The following FAM20B variants were observed in gnomAD, a reference collection of about 807,000 sequenced individuals.
FAM20B encodes the protein glycosaminoglycan xylosylkinase.
FAM20B carries 23 observed loss-of-function variants against 43.8 expected under a neutral mutation model. The observed-to-expected ratio is 0.53, with a 90% confidence interval of 0.38 to 0.74. FAM20B has a LOEUF of 0.74. Among genes scored for constraint, FAM20B ranks in the 30% least tolerant of loss-of-function variants. FAM20B has a pLI of 0.00. For missense variants in FAM20B, 440 were observed against 510.5 expected, an observed-to-expected ratio of 0.86 and a Z score of 1.33; for synonymous variants, 178 against 192.4, an observed-to-expected ratio of 0.93 and a Z score of 0.62.
chr1:179,048,711 A>G (rs1263674690), intron 2 of FAM20B, among the ~76,000 whole-genome samples: 3 of 152,230 alleles, frequency 2.0e-5, no homozygotes, highest in African/African-American at 7.2e-5. Context: ...AATCCTTTGC[A>G]CTAGGAACAA....
chr1:179,040,039 A>G (rs1056286226), intron 1 of FAM20B, among the ~76,000 whole-genome samples: 1 of 152,210 alleles, frequency 6.6e-6, no homozygotes, highest in Non-Finnish European at 1.5e-5. Flanking sequence ...CAGAGAGCAC[A>G]GGGATGGGGG....
chr1:179,026,568 C>T (rs1267158338), intron 1 of FAM20B, among the ~76,000 whole-genome samples: 3 of 152,202 alleles, frequency 2.0e-5, no homozygotes, highest in African/African-American at 4.8e-5. Context: ...GGGGTCTTTG[C>T]TGGGCCCGCC....
intron 1 of FAM20B, among the ~76,000 whole-genome samples, chr1:179,028,426 A>G (rs1329904407): frequency 1.3e-5 from 2 of 152,226 alleles, no homozygotes; most frequent in Non-Finnish European, 2.9e-5. Flanking sequence ...TACTAAAAAT[A>G]CAAAAATTAG....
At chr1:179,017,347 T>C in the FAM20B span, among the ~76,000 whole-genome samples, 1 of 152,214 alleles carries the variant, frequency 6.6e-6, no homozygotes, top group Admixed American at 6.5e-5. Flanking sequence ...TCCTGTTGGT[T>C]TCAACTCAGA....
intron 2 of FAM20B, among the ~76,000 whole-genome samples, chr1:179,046,378 C>A (rs939029663): frequency 6.6e-6 from 1 of 152,154 alleles, no homozygotes; most frequent in Non-Finnish European, 1.5e-5. Flanking sequence ...TGGCCGGGCA[C>A]GGTGGCTCAC....
At chr1:179,046,967 C>T (rs1345941042) in intron 2 of FAM20B, among the ~76,000 whole-genome samples, 1 of 152,162 alleles carries the variant, frequency 6.6e-6, no homozygotes, top group Non-Finnish European at 1.5e-5. Flanking sequence ...TGCACTCCAG[C>T]CTGGGCAACA....
Position 179,073,841 on chromosome 1 carries a change from AAGT to A in FAM20B, c.*1701_*1703del, listed in dbSNP as rs1417056677. ...TTCTGGCAAAGTGATCTCAACATGT[AAGT>A]AGTTGCAGTAAAACACAGGGGCAAA... is the stretch of plus-strand genomic sequence containing the variant. On this transcript the variant is annotated 3_prime_UTR_variant, in exon 8 of 8. Transcript: ENST00000263733. 1 of 152,222 alleles carries A rather than the reference AAGT, an allele frequency of 6.6e-6. No individual in the cohort carries two copies. Among genetic ancestry groups the A allele is most frequent in the Non-Finnish European group, 1.5e-5 (1 of 68,046 alleles). 9.4% of individuals were successfully genotyped at this position (152,222 alleles called of 1,614,324 possible).
At chr1:179,037,811 C>A (rs1650312620) in intron 1 of FAM20B, among the ~76,000 whole-genome samples, 1 of 152,004 alleles carries the variant, frequency 6.6e-6, no homozygotes, top group African/African-American at 2.4e-5. Flanking sequence ...AAATTTCTAA[C>A]CTAGCTGAGT....
chr1:179,061,580 T>G (rs1249411406), intron 4 of FAM20B, among the ~76,000 whole-genome samples: 1 of 152,060 alleles, frequency 6.6e-6, no homozygotes, highest in Non-Finnish European at 1.5e-5. Context: ...ATGTTTTTAC[T>G]TTTAGTTTTA....
chr1:179,071,244 C>T (rs1282964530), intron 7 of FAM20B, among the ~76,000 whole-genome samples: 1 of 151,238 alleles, frequency 6.6e-6, no homozygotes, highest in Non-Finnish European at 1.5e-5. Context: ...TGCAGTGAGC[C>T]GAGATCACAC....
intron 1 of FAM20B, among the ~76,000 whole-genome samples, chr1:179,039,751 T>A (rs543666657): frequency 4.6e-4 from 70 of 152,034 alleles, no homozygotes; most frequent in South Asian, 1.7e-3. Flanking sequence ...TATTTTTTTT[T>A]ATTGATCATT....
chr1:179,066,273 T>A (rs1260327585), intron 6 of FAM20B, among the ~76,000 whole-genome samples: 1 of 152,220 alleles, frequency 6.6e-6, no homozygotes, highest in Non-Finnish European at 1.5e-5. Flanking sequence ...TTGCATCTGC[T>A]GTGAATCAGT....
In FAM20B at chr1:179,075,791, G is replaced by GCCTTC. The variant is rs1422205980; in HGVS notation, c.*3660_*3664dup. Reference sequence around the variant, plus strand: ...TTTTCTAAAAAAAAAAAATGCTTTTGCCTTCCCTTCCCTTCCCATCCGCCA... The same window carrying GCCTTC: ...TTTTCTAAAAAAAAAAAATGCTTTTGCCTTCCCTTCCCTTCCCTTCCCATCCGCCA... On this transcript the variant is annotated 3_prime_UTR_variant, in exon 8 of 8. Coordinates refer to ENST00000263733, the MANE Select transcript of FAM20B (RefSeq NM_014864.4). The GCCTTC allele has an allele frequency of 4.0e-5, 6 of 150,392 alleles. No individual in the cohort carries two copies. Among genetic ancestry groups the GCCTTC allele is most frequent in the Non-Finnish European group, 7.4e-5 (5 of 67,652 alleles). 9.3% of individuals were successfully genotyped at this position (150,392 alleles called of 1,614,324 possible).
chr1:179,024,751 A>T (rs1649688992), upstream of FAM20B, among the ~76,000 whole-genome samples: 2 of 152,238 alleles, frequency 1.3e-5, no homozygotes, highest in African/African-American at 2.4e-5. Context: ...ATGCTCAGCA[A>T]ATATACAGAC....
At chr1:179,053,692 A>G (rs372397210) in intron 3 of FAM20B, among the ~76,000 whole-genome samples, 3 of 152,320 alleles carry the variant, frequency 2.0e-5, no homozygotes, top group Admixed American at 6.5e-5. Context: ...AACAATAGCC[A>G]TTTGTAAAGG....
At position 179,063,019 on chromosome 1, in the gene FAM20B, GTAATCCC is replaced by G. The variant is rs779085558; in HGVS notation, c.575-907_575-901del. 1.8e-3 allele frequency among the ~76,000 whole-genome samples: 268 copies of G among 152,306 alleles called. 1 individual carries two copies. Among genetic ancestry groups the G allele is most frequent in the Non-Finnish European group, 3.0e-3 (203 of 68,038 alleles). On this transcript the variant is annotated intron_variant, in intron 4 of 7. Transcript: ENST00000263733. ...AGGCCGGGCGCGGTAGCTCACACCT[GTAATCCC>G]AGCACTTTGGGAGGCTGAGGTGGGC...
intron 1 of FAM20B, among the ~76,000 whole-genome samples, chr1:179,041,711 C>T (rs1250466672): frequency 8.0e-6 from 1 of 125,026 alleles, no homozygotes; most frequent in African/African-American, 3.9e-5. Flanking sequence ...GGGAGGGAGA[C>T]AGGAGACGGG....
intron 1 of FAM20B, among the ~76,000 whole-genome samples, chr1:179,034,476 C>T (rs1650137491): frequency 1.3e-5 from 2 of 151,938 alleles, no homozygotes; most frequent in Admixed American, 1.3e-4. Context: ...CTCAGGCAGT[C>T]CTTCTGCCTC....
upstream of FAM20B, among the ~76,000 whole-genome samples, chr1:179,025,157 T>C (rs1389331222): frequency 1.3e-5 from 2 of 152,236 alleles, no homozygotes; most frequent in Admixed American, 6.5e-5. Flanking sequence ...GCAGAATCTT[T>C]CATTCACACG....
Sources: allele counts gnomAD v4.1 joint callset (sites outside exome capture counted in the v4.1 genomes callset), GRCh38; gene constraint gnomAD v4.1.1; transcripts MANE v1.5; gene names NCBI Gene and HGNC (gene_info 2026-07-23, HGNC 2026-07-21).